Variants in SMG9 observed in about 807,000 individuals in gnomAD.
The protein encoded by SMG9 is nonsense-mediated mRNA decay factor SMG9.
Under a neutral mutation model 64.0 loss-of-function variants are expected in SMG9, and 55 were observed. That is an observed-to-expected ratio of 0.86 (90% CI 0.69 to 1.08). The LOEUF (loss-of-function observed/expected upper bound fraction) is 1.08. SMG9 is among the 50% of genes least tolerant of loss of function. SMG9 has a pLI of 0.00. For synonymous variants in SMG9, 244 were observed against 254.8 expected, an observed-to-expected ratio of 0.96 and a Z score of 0.41; for missense variants, 554 against 681.3, an observed-to-expected ratio of 0.81 and a Z score of 2.08.
chr19:43,733,283 T>C (rs959506769), intron 12 of SMG9, 41 bp downstream of exon 12: 1 of 1,609,192 alleles, frequency 6.2e-7, no homozygotes, highest in Non-Finnish European at 8.5e-7. Context: ...CTGATCAGGA[T>C]AGGACTTGTC....
intron 5 of SMG9, among the ~76,000 whole-genome samples, 165 bp from the exon 6 acceptor site, chr19:43,745,049 G>A (rs1347216291): frequency 3.3e-5 from 5 of 152,236 alleles, no homozygotes; most frequent in Admixed American, 6.5e-5. Flanking sequence ...CCTCTGTTCC[G>A]TGTCATGGTA....
intron 7 of SMG9, among the ~76,000 whole-genome samples, chr19:43,739,061 G>A (rs982338128): frequency 6.6e-6 from 1 of 152,246 alleles, no homozygotes; most frequent in Non-Finnish European, 1.5e-5. Flanking sequence ...GCTCTGCTCT[G>A]AAGAGCTTCG....
chr19:43,746,464 G>GT (rs953630885), intron 5 of SMG9, among the ~76,000 whole-genome samples: 38 of 152,232 alleles, frequency 2.5e-4, no homozygotes, highest in African/African-American at 8.9e-4. Flanking sequence ...GTAGGGTTTG[G>GT]TTTTTTGTTG....
At chr19:43,749,949 T>C (rs1315935825) in intron 2 of SMG9, among the ~76,000 whole-genome samples, 5 of 152,352 alleles carry the variant, frequency 3.3e-5, no homozygotes, top group South Asian at 2.1e-4. Flanking sequence ...AGATCTATCA[T>C]AGAATCTACC....
chr19:43,743,252 G>A (rs1466319928), intron 6 of SMG9, among the ~76,000 whole-genome samples: 1 of 152,100 alleles, frequency 6.6e-6, no homozygotes, highest in African/African-American at 2.4e-5. Context: ...TAGTTGGGGT[G>A]AAAAGCTGAA....
In SMG9 at chr19:43,733,535, G is replaced by A. The variant is rs1968554455; in HGVS notation, c.1211-83C>T. ...ATTGTTGACAGTCAAAGCAGGATCA[G>A]GAGACTAGTCTGGGGGTAGAGACTG... On this transcript the variant is annotated intron_variant, in intron 11 of 13. Coordinates refer to ENST00000270066, the MANE Select transcript of SMG9 (RefSeq NM_019108.4). The A allele has an allele frequency of 1.6e-5, 26 of 1,609,324 alleles. No individual in the cohort carries two copies. The South Asian group carries it at 2.4e-4, about 15-fold the overall frequency.
chr19:43,739,465 GAAGA>G (rs1968778731), intron 7 of SMG9, among the ~76,000 whole-genome samples: 1 of 152,242 alleles, frequency 6.6e-6, no homozygotes, highest in Non-Finnish European at 1.5e-5. Context: ...GAAGTCCAGA[GAAGA>G]GAGAGATCAG....
chr19:43,732,835 C>T lies in SMG9; in HGVS notation c.1484+23G>A, dbSNP rs376633348. 6.0e-5 allele frequency: 96 copies of T among 1,613,414 alleles called. No homozygotes were observed. In the African/African-American group the frequency reaches 1.1e-3, roughly 19 times the overall value. ...ACCAGGGTGGGGTGCCTCAAATTGA[C>T]CCCCTCTGCAAAGAGCTCTTACCAG... On this transcript the variant is annotated intron_variant, in intron 13 of 13. Transcript: ENST00000270066.
chr19:43,733,040 T>A, intron 12 of SMG9, 38 bp from the exon 13 acceptor site: 1 of 1,565,472 alleles, frequency 6.4e-7, no homozygotes, highest in Non-Finnish European at 8.6e-7. Flanking sequence ...AGGGATAGAC[T>A]GCCAGGGTCT....
chr19:43,745,213 A>T (rs1238005122), intron 5 of SMG9, among the ~76,000 whole-genome samples: 3 of 152,300 alleles, frequency 2.0e-5, no homozygotes, highest in Non-Finnish European at 4.4e-5. Context: ...TGAAAGTGAG[A>T]GTCACAGGAA....
In SMG9 at chr19:43,733,879, G is replaced by T. The variant is rs1968567858; in HGVS notation, c.1103-146C>A. ...TAACTTCACTTCACTTTAGCACCAG[G>T]CTCTGTGTAGGGCAATGCTGGGGAC... On this transcript the variant is annotated intron_variant, in intron 10 of 13. Transcript: ENST00000270066. The T allele has an allele frequency of 6.2e-6, 4 of 644,896 alleles. No homozygotes were observed. The Admixed American group carries it at 1.0e-4, about 16-fold the overall frequency. The allele number at this position is 644,896 out of a possible 1,614,324, so 39.9% of individuals were successfully genotyped here.
intron 2 of SMG9, 63 bp downstream of exon 2, chr19:43,750,529 C>A: frequency 6.5e-7 from 1 of 1,537,796 alleles, no homozygotes; most frequent in Non-Finnish European, 8.8e-7. Flanking sequence ...TAGTGCCTGG[C>A]ACATGGCAGG....
At position 43,747,558 on chromosome 19, in the gene SMG9, A is replaced by G. The variant is rs748636236; in HGVS notation, c.491-19T>C. ...ACGACAGCTGGAGATTGGAGAAAGC[A>G]GGAGACAGAGGATGCAGTGAGGATC... On this transcript the variant is annotated intron_variant, in intron 4 of 13. Transcript: ENST00000270066. 1.9e-6 allele frequency: 3 copies of G among 1,614,200 alleles called. No individual in the cohort carries two copies. Among genetic ancestry groups the G allele is most frequent in the Non-Finnish European group, 2.5e-6 (3 of 1,180,036 alleles).
Position 43,734,427 on chromosome 19 carries a change from G to T in SMG9, c.1064C>A (p.Ser355Ter). The change falls in exon 10 of 14, where the codon TCG becomes TAG. Residue 355 changes from serine to a stop codon, truncating the protein, a stop_gained. Transcript: ENST00000270066. LOFTEE classifies it high-confidence loss of function. The part of the protein sequence containing the change: ...PSPSHESSSS[S>*]GSDEGTEYYP... ...GTACTCGGTGCCTTCATCGGAGCCC[G>T]ATGAGCTGCTGGACTCGTGGCTGGG... 1.3e-6 allele frequency: 2 copies of T among 1,561,446 alleles called. No individual in the cohort carries two copies. The highest frequency in any genetic ancestry group is 1.2e-5 in the South Asian group (1 of 84,742).
rs532892517 is a variant in SMG9 at position 43,733,691 on chromosome 19, C to G, written c.1145G>C (p.Arg382Pro). ...NKARREDFCP[R>P]KLRQMHLMID... ...CATCAGGTGCATCTGCCGCAGCTTCCGAGGACAGAAGTCCTCTCGGCGAGC... is the reference window on the plus strand; with the variant it reads ...CATCAGGTGCATCTGCCGCAGCTTCGGAGGACAGAAGTCCTCTCGGCGAGC... The change falls in exon 11 of 14, where the codon CGG (arginine) becomes CCG (proline). Residue 382 changes from arginine to proline, a missense_variant. Coordinates refer to ENST00000270066, the MANE Select transcript of SMG9 (RefSeq NM_019108.4). The G allele has an allele frequency of 1.2e-6, 2 of 1,614,008 alleles. No homozygotes were observed. Among genetic ancestry groups the G allele is most frequent in the Non-Finnish European group, 1.7e-6 (2 of 1,180,022 alleles).
chr19:43,739,876 A>G (rs1968790957), intron 7 of SMG9: 1 of 549,304 alleles, frequency 1.8e-6, no homozygotes, highest in Non-Finnish European at 3.3e-6. Flanking sequence ...ACTTTTCAGC[A>G]CTATACTAGA....
intron 6 of SMG9, 51 bp downstream of exon 6, chr19:43,744,721 C>A (rs1236532140): frequency 7.0e-7 from 1 of 1,420,770 alleles, no homozygotes; most frequent in Non-Finnish European, 9.8e-7. Context: ...CTTGCCCCTG[C>A]TCCCAGTGGG....
At chr19:43,746,525 A>G (rs981165209) in intron 5 of SMG9, among the ~76,000 whole-genome samples, 9 of 151,978 alleles carry the variant, frequency 5.9e-5, no homozygotes, top group Non-Finnish European at 1.0e-4. Flanking sequence ...CCAATGTGAG[A>G]GTGGACACAG....
At position 43,728,917 on chromosome 19, in the gene SMG9, A is replaced by G; in HGVS notation, c.*2679T>C. 1.1e-6 allele frequency: 1 copy of G among 885,798 alleles called. No homozygotes were observed. The highest frequency in any genetic ancestry group is 1.4e-6 in the Non-Finnish European group (1 of 739,126). 54.9% of individuals were successfully genotyped at this position (885,798 alleles called of 1,614,324 possible). On this transcript the variant is annotated 3_prime_UTR_variant, in exon 14 of 14. Transcript: ENST00000270066. ...GCTGGGAATGATGAAGGGACTGGAG[A>G]GCCACAAGCAGCAGGCATTCCTGGT...
Sources: gnomAD v4.1 joint callset for allele counts (sites outside exome capture counted in the v4.1 genomes callset) on GRCh38, gnomAD v4.1.1 for gene constraint, MANE v1.5 for transcripts, NCBI Gene and HGNC (gene_info 2026-07-23, HGNC 2026-07-21) for gene names.